The following SRBD1 variants were observed in gnomAD, a reference collection of about 807,000 sequenced individuals.
SRBD1 encodes the protein S1 RNA-binding domain-containing protein 1.
SRBD1 carries 88 observed loss-of-function variants against 115.3 expected under a neutral mutation model. The observed-to-expected ratio is 0.76, with a 90% CI of 0.64 to 0.91. The LOEUF (loss-of-function observed/expected upper bound fraction) is 0.91. Among genes scored for constraint, SRBD1 ranks in the 40% least tolerant of loss-of-function variants. The probability of loss-of-function intolerance (pLI) is 0.00; values close to 1 mark genes in which losing one functional copy is unlikely to be tolerated. For missense variants in SRBD1, 1,385 were observed against 1,177.4 expected (o/e 1.18, Z -2.58); for synonymous variants, 509 against 407.7 (o/e 1.25, Z -2.99).
At chr2:45,526,885 C>A (rs1397447204) in intron 14 of SRBD1, among the ~76,000 whole-genome samples, 1 of 151,686 alleles carries the variant, frequency 6.6e-6, no homozygotes, top group Non-Finnish European at 1.5e-5. Context: ...AACTCAAGAG[C>A]ATGAATAGCT....
rs146397085 is a variant in SRBD1, at chr2:45,532,624, G to C, written c.1874+14108C>G. Among the ~76,000 whole-genome samples the C allele has an allele frequency of 1.8e-4, 27 of 151,762 alleles. 1 individual carries two copies. The highest frequency in any genetic ancestry group is 3.5e-4 in the Non-Finnish European group (24 of 67,856). Reference sequence around the variant, plus strand: ...TAATTATCATAATGTGAACCCAAATGTTAGGGTTCCTTCAAAATGCAAGTG... The same window carrying C: ...TAATTATCATAATGTGAACCCAAATCTTAGGGTTCCTTCAAAATGCAAGTG... On this transcript the variant is annotated intron_variant, in intron 14 of 20. Transcript: ENST00000263736.
At chr2:45,431,251 A>C (rs1410665880) in intron 16 of SRBD1, among the ~76,000 whole-genome samples, 1 of 152,196 alleles carries the variant, frequency 6.6e-6, no homozygotes, top group Non-Finnish European at 1.5e-5. Context: ...GTGATTCCTC[A>C]AGGATCTAGA....
chr2:45,488,109 CT>C, intron 15 of SRBD1, 130 bp downstream of exon 15: 1 of 715,310 alleles, frequency 1.4e-6, no homozygotes, highest in Non-Finnish European at 2.4e-6. Context: ...CACTTTCTTT[CT>C]AATATGCCAA....
intron 14 of SRBD1, chr2:45,546,114 T>C (rs1672112323): frequency 1.0e-6 from 1 of 961,220 alleles, no homozygotes. Context: ...GACATGACTA[T>C]TGAGATCCAA....
intron 8 of SRBD1, among the ~76,000 whole-genome samples, chr2:45,573,564 T>C (rs713306): frequency 0.21 from 31,610 of 151,994 alleles, 5,787 homozygotes; most frequent in African/African-American, 0.5. Flanking sequence ...TACTCAATCT[T>C]CCCATAAAAT....
intron 16 of SRBD1, among the ~76,000 whole-genome samples, chr2:45,466,113 G>C (rs1489714572): frequency 1.3e-5 from 2 of 152,158 alleles, no homozygotes; most frequent in Admixed American, 1.3e-4. Flanking sequence ...AACACAGTAA[G>C]CAAATAAATA....
At chr2:45,402,895 C>T (rs951528390) in intron 19 of SRBD1, among the ~76,000 whole-genome samples, 2 of 152,128 alleles carry the variant, frequency 1.3e-5, no homozygotes, top group African/African-American at 4.8e-5. Flanking sequence ...TCTGGATCAA[C>T]CCAAATGGTA....
chr2:45,559,564 G>T (rs561161004), intron 10 of SRBD1, among the ~76,000 whole-genome samples: 1 of 152,200 alleles, frequency 6.6e-6, no homozygotes, highest in Non-Finnish European at 1.5e-5. Flanking sequence ...ATTTACAGGG[G>T]AATCTCCAAA....
Position 45,599,680 on chromosome 2 carries a change from G to C in SRBD1, c.417C>G (p.Thr139=), listed in dbSNP as rs896348895. ...RTKKLKVEEE[T]SKASNLEGES... ...CACCCTCTAAGTTGCTGGCTTTGCT[G>C]GTTTCTTCTTCAACTTTCAGCTTTT... The change falls in exon 4 of 21, where the codon ACC becomes ACG. Residue 139 remains threonine, a synonymous_variant. Coordinates refer to ENST00000263736, the MANE Select transcript of SRBD1 (RefSeq NM_018079.5). The C allele has an allele frequency of 6.2e-7, 1 of 1,614,052 alleles. No individual in the cohort carries two copies.
At position 45,607,847 on chromosome 2, in the gene SRBD1, T is replaced by C. The variant is rs1412718721; in HGVS notation, c.1-2406A>G. ...GGGCATGGGAACCATACAGACTGAA[T>C]GCTAAAGGCAGAGAACCCTAGTCTT... On this transcript the variant is annotated intron_variant, in intron 1 of 20. Transcript: ENST00000263736. 2.6e-5 allele frequency among the ~76,000 whole-genome samples: 4 copies of C among 152,300 alleles called. No homozygotes were observed. In the East Asian group the frequency reaches 7.7e-4, roughly 29 times the overall value.
intron 14 of SRBD1, among the ~76,000 whole-genome samples, chr2:45,508,937 A>G (rs1164744160): frequency 1.3e-5 from 2 of 152,188 alleles, no homozygotes; most frequent in Non-Finnish European, 2.9e-5. Flanking sequence ...AGGAAGAGAA[A>G]GAAAAAAAGC....
At chr2:45,421,336 T>C (rs2103639600) in intron 16 of SRBD1, among the ~76,000 whole-genome samples, 1 of 151,422 alleles carries the variant, frequency 6.6e-6, no homozygotes, top group South Asian at 2.1e-4. Context: ...TGAAACCCTG[T>C]CTCTACTAAA....
intron 13 of SRBD1, 86 bp downstream of exon 13, chr2:45,547,436 A>T: frequency 8.4e-7 from 1 of 1,188,550 alleles, no homozygotes; most frequent in Non-Finnish European, 1.2e-6. Context: ...CACCTCCCTT[A>T]ATCCCTCCCT....
chr2:45,547,554 C>T lies in SRBD1; in HGVS notation c.1734G>A (p.Ala578=), dbSNP rs145472070. 2.1e-5 allele frequency: 34 copies of T among 1,613,504 alleles called. No individual in the cohort carries two copies. Among genetic ancestry groups the T allele is most frequent in the East Asian group, 1.6e-4 (7 of 44,838 alleles). Residue 578 remains alanine, a synonymous_variant, in exon 13 of 21, where the codon GCG becomes GCA. Coordinates refer to ENST00000263736, the MANE Select transcript of SRBD1 (RefSeq NM_018079.5). ...TCAGCAAAAGTGTCTTTATTTTCTCCGCCTCTCGGAAGCCTTGTCCACAAT... is the reference window on the plus strand; with the variant it reads ...TCAGCAAAAGTGTCTTTATTTTCTCTGCCTCTCGGAAGCCTTGTCCACAAT... ...YLHCGQGFRE[A]EKIKTLLLNF...
At chr2:45,498,308 T>C (rs1670523548) in intron 14 of SRBD1, among the ~76,000 whole-genome samples, 2 of 152,290 alleles carry the variant, frequency 1.3e-5, no homozygotes, top group East Asian at 3.9e-4. Flanking sequence ...TTTTATCAGA[T>C]ACAATATTTG....
chr2:45,570,022 G>A (rs1334614129), intron 9 of SRBD1, among the ~76,000 whole-genome samples: 5 of 152,166 alleles, frequency 3.3e-5, no homozygotes. Flanking sequence ...AATCCAGCCT[G>A]CCACCTGTTT....
intron 16 of SRBD1, among the ~76,000 whole-genome samples, chr2:45,446,095 C>T (rs111570029): frequency 0.025 from 3,751 of 152,246 alleles, 158 homozygotes; most frequent in African/African-American, 0.085. Flanking sequence ...ATGTCAGAGA[C>T]CATATTGGAC....
intron 14 of SRBD1, among the ~76,000 whole-genome samples, chr2:45,526,160 A>C (rs1671435361): frequency 6.6e-6 from 1 of 152,098 alleles, no homozygotes; most frequent in Non-Finnish European, 1.5e-5. Flanking sequence ...ACGAATGTTT[A>C]CAGCAGCATT....
intron 7 of SRBD1, 60 bp from the exon 8 acceptor site, chr2:45,574,783 C>A: frequency 7.2e-7 from 1 of 1,391,390 alleles, no homozygotes; most frequent in South Asian, 1.3e-5. Flanking sequence ...GTTTTAAATT[C>A]TATAACTAAA....
Sources: allele counts gnomAD v4.1 joint callset (sites outside exome capture counted in the v4.1 genomes callset), GRCh38; gene constraint gnomAD v4.1.1; transcripts MANE v1.5; gene names NCBI Gene and HGNC (gene_info 2026-07-23, HGNC 2026-07-21).